Variants in PCDH11X observed in about 807,000 individuals in gnomAD.
The protein encoded by PCDH11X is protocadherin-11 X-linked.
A neutral mutation model predicts 53.3 loss-of-function variants in PCDH11X; 18 were observed. The ratio of observed to expected loss-of-function variants is 0.34; its 90% CI spans 0.23 to 0.50. The LOEUF is 0.50. PCDH11X is among the 20% of genes least tolerant of loss of function. The pLI, the probability that PCDH11X is intolerant of heterozygous loss-of-function variation, is 0.98. For synonymous variants in PCDH11X, 279 were observed against 393.3 expected (o/e 0.71, Z 3.44); for missense variants, 570 against 1,032.4 (o/e 0.55, Z 6.14).
rs1928349141 is a variant in PCDH11X at position 92,619,730 on chromosome X, G to T, written c.*790G>T. 9.0e-6 allele frequency: 1 copy of T among 111,245 alleles called. No individual in the cohort carries two copies. Among genetic ancestry groups the T allele is most frequent in the African/African-American group, 3.3e-5 (1 of 30,488 alleles). The allele number at this position is 111,245 out of a possible 1,213,427, so 9.2% of individuals were successfully genotyped here. A position where few individuals can be genotyped will look rare whatever the true frequency, so the allele number is the denominator to read the frequency against. ...TTTTACTTTAATAGTTTAGTGTAAA[G>T]TACATCAGAAATAAAGCTGTATCTG... On this transcript the variant is annotated 3_prime_UTR_variant, in exon 11 of 11. Coordinates refer to ENST00000682573, the MANE Select transcript of PCDH11X (RefSeq NM_032968.5).
At chrX:92,046,532 G>A (rs2063291284) in intron 6 of PCDH11X, among the ~76,000 whole-genome samples, 1 of 110,991 alleles carries the variant, frequency 9.0e-6, no homozygotes, top group South Asian at 3.7e-4. Context: ...AACATGTGTT[G>A]TTTGTTTTAC....
In PCDH11X at chrX:92,538,797, A is replaced by G. The variant is rs776166890; in HGVS notation, c.3367+70475A>G. ...TCATCATTTGACCTTTCTACTTAAG[A>G]GTAGTTTACATACCATGATTACAGT... On this transcript the variant is annotated intron_variant, in intron 10 of 10. Transcript: ENST00000682573. Among the ~76,000 whole-genome samples, 407 of 104,025 alleles carry G rather than the reference A, an allele frequency of 3.9e-3. 1 individual carries two copies. The highest frequency in any genetic ancestry group is 0.014 in the African/African-American group (389 of 28,736). 90.3% of individuals were successfully genotyped at this position (104,025 alleles called of 115,157 possible). A position where few individuals can be genotyped will look rare whatever the true frequency, so the allele number is the denominator to read the frequency against.
chrX:92,517,095 T>C (rs1259650853), intron 10 of PCDH11X, among the ~76,000 whole-genome samples: 2 of 112,004 alleles, frequency 1.8e-5, no homozygotes, highest in Admixed American at 1.9e-4. Flanking sequence ...TACCCAAGAT[T>C]TTATTAATTG....
At chrX:92,178,002 A>G (rs1322096681) in intron 6 of PCDH11X, among the ~76,000 whole-genome samples, 1 of 111,095 alleles carries the variant, frequency 9.0e-6, no homozygotes, top group African/African-American at 3.3e-5. Context: ...ATTTCCTTCC[A>G]TGGAGTCTTT....
At chrX:92,162,444 G>A in intron 6 of PCDH11X, among the ~76,000 whole-genome samples, 1 of 110,739 alleles carries the variant, frequency 9.0e-6, no homozygotes, top group East Asian at 2.9e-4. Context: ...TGCCTCCCTC[G>A]GCCTCTCAAA....
intron 8 of PCDH11X, among the ~76,000 whole-genome samples, chrX:92,323,166 T>C (rs2069252577): frequency 9.0e-6 from 1 of 111,023 alleles, no homozygotes; most frequent in African/African-American, 3.3e-5. Flanking sequence ...GCCATCACTA[T>C]GCTTATGTAA....
intron 7 of PCDH11X, among the ~76,000 whole-genome samples, chrX:92,241,137 A>G (rs1330958791): frequency 1.8e-5 from 2 of 111,760 alleles, no homozygotes; most frequent in African/African-American, 6.5e-5. Flanking sequence ...GCATTTAAAT[A>G]TAAATGAGAA....
chrX:92,086,382 G>C (rs989950227), intron 6 of PCDH11X, among the ~76,000 whole-genome samples: 20 of 111,140 alleles, frequency 1.8e-4, no homozygotes, highest in African/African-American at 6.2e-4. Flanking sequence ...AATATGCATG[G>C]TTATATACAG....
rs1333166106 is a variant in PCDH11X, at chrX:92,619,053, A to G, written c.*113A>G. 13 of 853,427 alleles carry G rather than the reference A, an allele frequency of 1.5e-5. No individual in the cohort carries two copies. Among genetic ancestry groups the G allele is most frequent in the Non-Finnish European group, 2.0e-5 (12 of 603,063 alleles). 70.3% of individuals were successfully genotyped at this position (853,427 alleles called of 1,213,427 possible). A position where few individuals can be genotyped will look rare whatever the true frequency, so the allele number is the denominator to read the frequency against. On this transcript the variant is annotated 3_prime_UTR_variant, in exon 11 of 11. Coordinates refer to ENST00000682573, the MANE Select transcript of PCDH11X (RefSeq NM_032968.5). ...TTTGTAAATAACTATGTAAATAGAA[A>G]CAGATACCAGAATAAATCTACAGCT...
At chrX:92,296,381 G>T (rs1278500201) in intron 8 of PCDH11X, among the ~76,000 whole-genome samples, 2 of 108,582 alleles carry the variant, frequency 1.8e-5, no homozygotes, top group Admixed American at 2.0e-4. Context: ...GTAGTTTGTT[G>T]GTCCTGACCC....
intron 8 of PCDH11X, among the ~76,000 whole-genome samples, chrX:92,363,308 G>T (rs922265150): frequency 9.0e-6 from 1 of 111,213 alleles, no homozygotes; most frequent in African/African-American, 3.3e-5. Flanking sequence ...CTACTTATTT[G>T]TGTGTTCTTT....
chrX:92,141,762 G>A (rs1486335860), intron 6 of PCDH11X, among the ~76,000 whole-genome samples: 1 of 111,333 alleles, frequency 9.0e-6, no homozygotes, highest in East Asian at 2.8e-4. Context: ...AGTCACAAAT[G>A]GTAAGTTAAA....
At chrX:91,960,571 C>A (rs7881546) in intron 6 of PCDH11X, among the ~76,000 whole-genome samples, 4,649 of 110,145 alleles carry the variant, frequency 0.042, 256 homozygotes, top group African/African-American at 0.15. Context: ...ATTACAGGCA[C>A]CCCCCATCAT....
intron 9 of PCDH11X, among the ~76,000 whole-genome samples, chrX:92,461,917 A>T (rs1317033333): frequency 1.8e-5 from 2 of 112,222 alleles, no homozygotes; most frequent in Non-Finnish European, 3.8e-5. Flanking sequence ...TTCTCAAAAT[A>T]ATATATACAA....
intron 8 of PCDH11X, among the ~76,000 whole-genome samples, chrX:92,383,182 T>A (rs2070923279): frequency 9.0e-6 from 1 of 110,778 alleles, no homozygotes; most frequent in South Asian, 3.8e-4. Context: ...AGACAGAGAC[T>A]GTATCATATG....
intron 9 of PCDH11X, among the ~76,000 whole-genome samples, chrX:92,416,431 C>A (rs2148609146): frequency 9.1e-6 from 1 of 110,049 alleles, no homozygotes; most frequent in Non-Finnish European, 1.9e-5. Context: ...TCATGTACCC[C>A]ATAAATATAT....
At position 92,357,414 on chromosome X, in the gene PCDH11X, G is replaced by A. The variant is rs754713156; in HGVS notation, c.3145-30321G>A. On this transcript the variant is annotated intron_variant, in intron 8 of 10. Coordinates refer to ENST00000682573, the MANE Select transcript of PCDH11X (RefSeq NM_032968.5). ...ACCCTGTGCTATGGTCAGAATGTTTGTTCCTACCAAAATTCATGTTAAAAT... is the reference window on the plus strand; with the variant it reads ...ACCCTGTGCTATGGTCAGAATGTTTATTCCTACCAAAATTCATGTTAAAAT... Among the ~76,000 whole-genome samples the A allele has an allele frequency of 8.1e-5, 9 of 110,965 alleles. No individual in the cohort carries two copies. The South Asian group carries it at 3.4e-3, about 43-fold the overall frequency.
intron 6 of PCDH11X, among the ~76,000 whole-genome samples, chrX:91,926,895 A>G (rs1228688408): frequency 2.7e-5 from 3 of 110,795 alleles, no homozygotes; most frequent in African/African-American, 9.8e-5. Context: ...GCTATAGAAT[A>G]CTAGAACTTA....
chrX:91,977,435 C>T (rs768132119), intron 6 of PCDH11X, among the ~76,000 whole-genome samples: 2 of 111,855 alleles, frequency 1.8e-5, no homozygotes, highest in South Asian at 7.5e-4. Context: ...AAGAAATACC[C>T]CAAACCACAT....
Sources: allele counts gnomAD v4.1 joint callset (sites outside exome capture counted in the v4.1 genomes callset), GRCh38; gene constraint gnomAD v4.1.1; transcripts MANE v1.5; gene names NCBI Gene and HGNC (gene_info 2026-07-23, HGNC 2026-07-21).